VWA3B: variants seen among roughly 807,000 people sequenced by gnomAD.
VWA3B encodes von Willebrand factor A domain containing 3B.
Under a neutral mutation model 158.3 loss-of-function variants are expected in VWA3B, and 138 were observed. The ratio of observed to expected loss-of-function variants is 0.87; its 90% CI spans 0.76 to 1.00. VWA3B has a LOEUF of 1.00. Ranked by LOEUF, VWA3B falls within the 50% of genes least tolerant of loss-of-function variation. The probability of loss-of-function intolerance (pLI) is 0.00; values close to 1 mark genes in which losing one functional copy is unlikely to be tolerated. For synonymous variants in VWA3B, 596 were observed against 587.3 expected (o/e 1.01, Z -0.21); for missense variants, 1,555 against 1,565.1 (o/e 0.99, Z 0.11).
chr2:98,232,775 GC>G (rs1358545187), intron 16 of VWA3B, among the ~76,000 whole-genome samples: 1 of 152,026 alleles, frequency 6.6e-6, no homozygotes, highest in Non-Finnish European at 1.5e-5. Flanking sequence ...ATATTTTGGT[GC>G]TTGTTTTTAT....
intron 8 of VWA3B, chr2:98,179,329 C>G (rs4851884): frequency 0.41 from 191,974 of 470,800 alleles, 40,887 homozygotes; most frequent in Middle Eastern, 0.62. Context: ...TAACATAACA[C>G]AGTCTTCTCA....
In VWA3B at chr2:98,162,880, G is replaced by A. The variant is rs200604598; in HGVS notation, c.1018G>A (p.Val340Ile). ...TGGAGTCAGAGAGGACGTGTTTCTC[G>A]TTTGGCAAGAGATGGAGGAAGCCTG... The part of the protein sequence containing the change: ...GAGVREDVFL[V>I]WQEMEEACST... The change falls in exon 8 of 28, where the codon GTT becomes ATT. Residue 340 changes from valine (V) to isoleucine (I), a missense_variant. Transcript: ENST00000477737. 1.8e-4 allele frequency: 289 copies of A among 1,613,898 alleles called. No individual in the cohort carries two copies. Among genetic ancestry groups the A allele is most frequent in the African/African-American group, 2.5e-4 (19 of 75,052 alleles).
chr2:98,112,691 C>T (rs1559542128), intron 2 of VWA3B, among the ~76,000 whole-genome samples: 1 of 151,406 alleles, frequency 6.6e-6, no homozygotes, highest in Non-Finnish European at 1.5e-5. Context: ...TTTTTTTAAT[C>T]AAATCTTGGA....
chr2:98,316,421 T>G (rs979684345), downstream of VWA3B, among the ~76,000 whole-genome samples: 15 of 152,144 alleles, frequency 9.9e-5, no homozygotes, highest in Admixed American at 6.5e-4. Context: ...AACTGGTGGA[T>G]CATTTGAGCT....
chr2:98,181,206 C>A lies in VWA3B; in HGVS notation c.1305C>A (p.Thr435=). The A allele has an allele frequency of 6.2e-7, 1 of 1,613,938 alleles. No individual in the cohort carries two copies. The highest frequency in any genetic ancestry group is 1.1e-5 in the South Asian group (1 of 91,022). Reference sequence around the variant, plus strand: ...AACCGGAGAATGAGTCCGTGCAGACCAGTGCGGTAGGTGAAGTGCACTCCT... The same window carrying A: ...AACCGGAGAATGAGTCCGTGCAGACAAGTGCGGTAGGTGAAGTGCACTCCT... The part of the protein sequence containing the change: ...KAKPENESVQ[T]SAETNKKTVH... Residue 435 remains threonine, a synonymous_variant, in exon 9 of 28, where the codon ACC becomes ACA. Transcript: ENST00000477737.
chr2:98,312,352 C>T lies in VWA3B; in HGVS notation c.*3C>T. The T allele has an allele frequency of 1.2e-6, 2 of 1,604,172 alleles. No individual in the cohort carries two copies. The highest frequency in any genetic ancestry group is 1.7e-6 in the Non-Finnish European group (2 of 1,173,068). On this transcript the variant is annotated 3_prime_UTR_variant, in exon 28 of 28. Transcript: ENST00000477737. ...GGAGCGTCCCTGAGACACTTTAAGG[C>T]CGTCTGGTGGCAGCTATGTTTAAGA...
intron 8 of VWA3B, among the ~76,000 whole-genome samples, chr2:98,170,486 A>G (rs1367235686): frequency 6.6e-6 from 1 of 152,210 alleles, no homozygotes; most frequent in Non-Finnish European, 1.5e-5. Context: ...TTTAGAGCAC[A>G]TATTTTTTGA....
intron 15 of VWA3B, 57 bp from the exon 16 acceptor site, chr2:98,229,993 T>C: frequency 2.6e-6 from 4 of 1,512,166 alleles, no homozygotes; most frequent in Non-Finnish European, 3.5e-6. Context: ...GCCTTCTTGA[T>C]GGAAATTTTC....
intron 8 of VWA3B, 33 bp from the exon 9 acceptor site, chr2:98,180,983 A>T (rs11692266): frequency 0.036 from 57,984 of 1,607,380 alleles, 1,395 homozygotes; most frequent in Middle Eastern, 0.083. Context: ...TGGCTCATGC[A>T]GTATGAATGG....
intron 21 of VWA3B, among the ~76,000 whole-genome samples, chr2:98,269,827 G>A (rs967332056): frequency 6.6e-6 from 1 of 152,198 alleles, no homozygotes; most frequent in Non-Finnish European, 1.5e-5. Flanking sequence ...CCATCTTGCT[G>A]ACATCATTCC....
chr2:98,161,896 G>A (rs1196257509), intron 7 of VWA3B, among the ~76,000 whole-genome samples: 12 of 152,076 alleles, frequency 7.9e-5, no homozygotes, highest in South Asian at 4.1e-4. Flanking sequence ...TAGTAGAGAC[G>A]GGGTTTCACC....
chr2:98,088,286 C>G (rs544060496), intron 1 of VWA3B, among the ~76,000 whole-genome samples: 24 of 152,296 alleles, frequency 1.6e-4, no homozygotes, highest in African/African-American at 5.5e-4. Context: ...TAGCTAGAAG[C>G]TTATTGAATG....
chr2:98,148,136 A>T (rs1412302611), intron 7 of VWA3B, among the ~76,000 whole-genome samples: 1 of 152,196 alleles, frequency 6.6e-6, no homozygotes. Context: ...TAAATTTCTG[A>T]TAGTGAAAAT....
chr2:98,329,106 T>C, the VWA3B span, among the ~76,000 whole-genome samples: 1 of 152,024 alleles, frequency 6.6e-6, no homozygotes, highest in African/African-American at 2.4e-5. Context: ...TTTCAACAAA[T>C]GATAATTAGA....
At chr2:98,209,001 T>A (rs1219564792) in intron 12 of VWA3B, among the ~76,000 whole-genome samples, 7 of 152,228 alleles carry the variant, frequency 4.6e-5, no homozygotes, top group African/African-American at 1.7e-4. Context: ...AGATGATTCA[T>A]GGCTGGCAGT....
At chr2:98,187,851 G>A (rs1466156) in intron 9 of VWA3B, 124 bp from the exon 10 acceptor site, 897,594 of 1,036,072 alleles carry the variant, frequency 0.87, 389,937 homozygotes, top group East Asian at 0.97. Context: ...ACTAACAAAG[G>A]AATGATTGAC....
At chr2:98,172,005 TA>T (rs1679629236) in intron 8 of VWA3B, among the ~76,000 whole-genome samples, 1 of 152,242 alleles carries the variant, frequency 6.6e-6, no homozygotes, top group African/African-American at 2.4e-5. Context: ...TGCCAATGTC[TA>T]GGAGTGAATG....
chr2:98,252,287 G>A (rs1686848669), intron 20 of VWA3B, among the ~76,000 whole-genome samples: 1 of 152,134 alleles, frequency 6.6e-6, no homozygotes, highest in Admixed American at 6.5e-5. Flanking sequence ...GCAGGCGTCT[G>A]TGTGTATATG....
At chr2:98,189,421 T>C (rs927692907) in intron 10 of VWA3B, among the ~76,000 whole-genome samples, 1 of 152,236 alleles carries the variant, frequency 6.6e-6, no homozygotes, top group South Asian at 2.1e-4. Flanking sequence ...TTGTGGATTT[T>C]CCTGATAGCT....
Sources: allele counts gnomAD v4.1 joint callset (sites outside exome capture counted in the v4.1 genomes callset), GRCh38; gene constraint gnomAD v4.1.1; transcripts MANE v1.5; gene names NCBI Gene and HGNC (gene_info 2026-07-23, HGNC 2026-07-21).